Variants in ZNF536 observed in about 807,000 individuals in gnomAD.
ZNF536 encodes the protein zinc finger protein 536.
Under a neutral mutation model 84.5 loss-of-function variants are expected in ZNF536, and 13 were observed. The ratio of observed to expected loss-of-function variants is 0.15; its 90% CI spans 0.10 to 0.24. ZNF536 has a LOEUF of 0.24. ZNF536 is among the 10% of genes least tolerant of loss of function. The probability of loss-of-function intolerance (pLI) is 1.00; values close to 1 mark genes in which losing one functional copy is unlikely to be tolerated. For missense variants in ZNF536, 1,536 were observed against 1,747.5 expected, an observed-to-expected ratio of 0.88 and a Z score of 2.16; for synonymous variants, 811 against 742.5, an observed-to-expected ratio of 1.09 and a Z score of -1.50.
At chr19:30,589,456 A>G (rs751849704) in intron 1 of ZNF536, among the ~76,000 whole-genome samples, 4 of 152,146 alleles carry the variant, frequency 2.6e-5, no homozygotes, top group Non-Finnish European at 5.9e-5. Context: ...GAAGTTGAGG[A>G]GTCCACCCAC....
intron 1 of ZNF536, among the ~76,000 whole-genome samples, chr19:30,563,962 C>G (rs919578787): frequency 6.6e-6 from 1 of 152,134 alleles, no homozygotes; most frequent in Non-Finnish European, 1.5e-5. Context: ...GATGGGACAG[C>G]AGGGAGGCCT....
At chr19:30,289,503 G>A (rs984198535) in intron 2 of ZNF536, among the ~76,000 whole-genome samples, 2 of 152,176 alleles carry the variant, frequency 1.3e-5, no homozygotes, top group East Asian at 1.9e-4. Flanking sequence ...CACCCCGGGG[G>A]CCCCCGTGCT....
intron 2 of ZNF536, among the ~76,000 whole-genome samples, chr19:30,527,219 CT>C (rs56404227): frequency 0.024 from 2,534 of 105,254 alleles, 35 homozygotes; most frequent in African/African-American, 0.065. Context: ...ACCCAGCCTC[CT>C]TTTTTTTTTT....
chr19:30,310,940 C>T lies in ZNF536; in HGVS notation c.-120+26799C>T, dbSNP rs927267804. 8.5e-5 allele frequency among the ~76,000 whole-genome samples: 13 copies of T among 152,182 alleles called. No individual in the cohort carries two copies. In the East Asian group the frequency reaches 1.9e-3, roughly 23 times the overall value. On this transcript the variant is annotated intron_variant, in intron 2 of 5. Coordinates refer to the ZNF536 transcript ENST00000585628. ...ATTATCTGATGTGAGCCCTCCTGGGCGACTCAGGGCCCCGGCTCCCTTGCC... is the reference window on the plus strand; with the variant it reads ...ATTATCTGATGTGAGCCCTCCTGGGTGACTCAGGGCCCCGGCTCCCTTGCC...
intron 1 of ZNF536, among the ~76,000 whole-genome samples, chr19:30,282,500 G>A (rs1470774813): frequency 6.6e-6 from 1 of 152,200 alleles, no homozygotes; most frequent in Non-Finnish European, 1.5e-5. Flanking sequence ...GTGTTCTCCT[G>A]TCATTGGAAT....
At chr19:30,228,498 C>T (rs1170218235), upstream of ZNF536, 2 of 152,154 alleles carry the variant, frequency 1.3e-5, no homozygotes, top group Non-Finnish European at 2.9e-5. The surrounding 1 kb of genome is among the most constrained non-coding windows in gnomAD (Gnocchi z 4.5). Flanking sequence ...CTGCCCGGCC[C>T]GGGGCTGCTC....
intron 1 of ZNF536, among the ~76,000 whole-genome samples, chr19:30,673,974 G>T (rs1325519978): frequency 6.6e-6 from 1 of 152,150 alleles, no homozygotes; most frequent in Non-Finnish European, 1.5e-5. Context: ...CCGCACTTGG[G>T]TTCCATCAGC....
intron 2 of ZNF536, among the ~76,000 whole-genome samples, chr19:30,334,854 C>T (rs2047330081): frequency 6.6e-6 from 1 of 152,228 alleles, no homozygotes; most frequent in African/African-American, 2.4e-5. Context: ...GCATTAGATT[C>T]TCATAAGGAG....
At chr19:30,407,463 C>G (rs2050308595) in intron 1 of ZNF536, among the ~76,000 whole-genome samples, 1 of 152,286 alleles carries the variant, frequency 6.6e-6, no homozygotes, top group East Asian at 1.9e-4. Context: ...CAATTCAATT[C>G]TGCCACCATC....
chr19:30,396,023 G>A (rs1297747043), intron 1 of ZNF536, among the ~76,000 whole-genome samples: 4 of 152,102 alleles, frequency 2.6e-5, no homozygotes, highest in Non-Finnish European at 4.4e-5. Context: ...TGCACTTGGC[G>A]TACATTCTGT....
chr19:30,647,039 C>T (rs1368230961), intron 1 of ZNF536, among the ~76,000 whole-genome samples: 1 of 152,134 alleles, frequency 6.6e-6, no homozygotes. Context: ...GAGATTAGTC[C>T]TTTGTGAGTC....
At chr19:30,609,504 T>C (rs1160856852) in intron 1 of ZNF536, among the ~76,000 whole-genome samples, 2 of 152,182 alleles carry the variant, frequency 1.3e-5, no homozygotes, top group African/African-American at 2.4e-5. Flanking sequence ...AATGAAATAA[T>C]TTTTGCCATG....
intron 1 of ZNF536, among the ~76,000 whole-genome samples, chr19:30,688,312 C>T (rs1001769257): frequency 6.6e-6 from 1 of 152,148 alleles, no homozygotes; most frequent in Non-Finnish European, 1.5e-5. Context: ...TGTTTTGAGT[C>T]CTTGCTTTGA....
intron 3 of ZNF536, among the ~76,000 whole-genome samples, chr19:30,361,993 G>A (rs991829327): frequency 2.6e-5 from 4 of 151,192 alleles, no homozygotes; most frequent in African/African-American, 9.7e-5. Context: ...AAAAAAGGAG[G>A]CACATTAACC....
At chr19:30,308,450 A>G (rs1380139213) in intron 2 of ZNF536, among the ~76,000 whole-genome samples, 10 of 152,096 alleles carry the variant, frequency 6.6e-5, no homozygotes, top group Non-Finnish European at 8.8e-5. Flanking sequence ...GTTTAGAAGG[A>G]GAAGATTTTT....
At chr19:30,643,084 T>C (rs955585307) in intron 1 of ZNF536, among the ~76,000 whole-genome samples, 2 of 152,236 alleles carry the variant, frequency 1.3e-5, no homozygotes, top group Non-Finnish European at 2.9e-5. Flanking sequence ...CAGATTTGCA[T>C]AAATTAATAA....
In ZNF536 at chr19:30,448,073, T is replaced by A. The variant is rs187501933; in HGVS notation, c.2170+2341T>A. The stretch of plus-strand genomic sequence containing the variant: ...GTGCTCATGACTCAAAAGAGAATTA[T>A]ACTTGAGTTGTGGTTATCTTCTCAC... On this transcript the variant is annotated intron_variant, in intron 2 of 4. Transcript: ENST00000355537. 4.6e-5 allele frequency among the ~76,000 whole-genome samples: 7 copies of A among 152,356 alleles called. No individual in the cohort carries two copies. In the South Asian group the frequency reaches 8.3e-4, roughly 18 times the overall value.
chr19:30,234,990 G>A (rs972536791), intron 1 of ZNF536, among the ~76,000 whole-genome samples: 1 of 152,168 alleles, frequency 6.6e-6, no homozygotes, highest in Non-Finnish European at 1.5e-5. Flanking sequence ...TATTAATTCA[G>A]CAGACATTCC....
chr19:30,591,543 G>A lies in ZNF536; in HGVS notation c.169+42029G>A, dbSNP rs983700342. The stretch of plus-strand genomic sequence containing the variant: ...ACAGTATGGGGGAAATTGCCCCCAC[G>A]ATTCAATTATCTCCACCTGGCCCTG... On this transcript the variant is annotated intron_variant, in intron 1 of 1. Coordinates refer to the ZNF536 transcript ENST00000592773. 7.2e-5 allele frequency among the ~76,000 whole-genome samples: 11 copies of A among 152,118 alleles called. No individual in the cohort carries two copies. In the East Asian group the frequency reaches 1.5e-3, roughly 21 times the overall value.
Sources: gnomAD v4.1 joint callset for allele counts (sites outside exome capture counted in the v4.1 genomes callset) on GRCh38, gnomAD v4.1.1 for gene constraint, Gnocchi (gnomAD v3.1) non-coding constraint, MANE v1.5 for transcripts, NCBI Gene and HGNC (gene_info 2026-07-23, HGNC 2026-07-21) for gene names.